DCC: variants seen among roughly 807,000 people sequenced by gnomAD.
The protein encoded by DCC is DCC netrin 1 receptor, also known as netrin receptor DCC.
DCC carries 58 observed loss-of-function variants against 172.5 expected under a neutral mutation model. The ratio of observed to expected loss-of-function variants is 0.34; its 90% CI spans 0.27 to 0.42. The LOEUF (loss-of-function observed/expected upper bound fraction) is 0.42, where lower values mean the gene tolerates loss of function less well. DCC is among the 10% of genes least tolerant of loss of function. The pLI is 1.00. For missense variants in DCC, 1,740 were observed against 1,791.0 expected (o/e 0.97, Z 0.51); for synonymous variants, 709 against 644.5 (o/e 1.10, Z -1.52).
At chr18:52,797,470 T>A (rs1054197074) in intron 2 of DCC, among the ~76,000 whole-genome samples, 3 of 152,246 alleles carry the variant, frequency 2.0e-5, no homozygotes, top group Admixed American at 6.5e-5. Context: ...GCTTTGATTT[T>A]GGATGGGTAT....
At chr18:53,421,639 G>A (rs1910648522) in intron 21 of DCC, among the ~76,000 whole-genome samples, 1 of 152,174 alleles carries the variant, frequency 6.6e-6, no homozygotes, top group African/African-American at 2.4e-5. Flanking sequence ...GCACTGGAAT[G>A]GAATTAGATA....
intron 5 of DCC, among the ~76,000 whole-genome samples, chr18:53,024,948 T>C (rs1220615385): frequency 2.6e-5 from 4 of 152,168 alleles, no homozygotes; most frequent in Non-Finnish European, 4.4e-5. Context: ...AACATTATCA[T>C]TGTAAATTTT....
intron 14 of DCC, among the ~76,000 whole-genome samples, chr18:53,327,168 C>G (rs138406156): frequency 2.6e-5 from 4 of 152,094 alleles, no homozygotes; most frequent in African/African-American, 9.7e-5. Context: ...TCTTGGATTG[C>G]CCTTTTAATT....
intron 2 of DCC, among the ~76,000 whole-genome samples, chr18:52,871,507 A>G (rs559952276): frequency 3.9e-5 from 6 of 152,176 alleles, no homozygotes; most frequent in African/African-American, 1.2e-4. Flanking sequence ...TTTGCTTCCC[A>G]GGCTGGAGCA....
chr18:52,944,445 C>A (rs150552399), intron 5 of DCC, among the ~76,000 whole-genome samples: 117 of 152,182 alleles, frequency 7.7e-4, no homozygotes, highest in African/African-American at 2.8e-3. Flanking sequence ...AAAATCTGAG[C>A]CTAAAGGCAC....
intron 12 of DCC, among the ~76,000 whole-genome samples, chr18:53,258,358 A>C (rs1421519079): frequency 6.6e-6 from 1 of 151,544 alleles, no homozygotes; most frequent in African/African-American, 2.4e-5. Context: ...TAGTGCTACA[A>C]ATTTCCCTCT....
Position 53,370,418 on chromosome 18 carries a change from TC to T in DCC, c.2360-15623del, listed in dbSNP as rs561125618. The stretch of plus-strand genomic sequence containing the variant: ...CTAGCTTTGGGTTTCATTGACATTC[TC>T]CATTTTCCTATTCTCTATTTATCTC... On this transcript the variant is annotated intron_variant, in intron 15 of 28. Coordinates refer to ENST00000442544, the MANE Select transcript of DCC (RefSeq NM_005215.4). 5.6e-3 allele frequency among the ~76,000 whole-genome samples: 848 copies of T among 151,906 alleles called. 6 individuals are homozygous for T. The highest frequency in any genetic ancestry group is 0.024 in the Admixed American group (371 of 15,226).
intron 9 of DCC, among the ~76,000 whole-genome samples, chr18:53,204,251 A>C (rs1355338450): frequency 2.0e-5 from 3 of 152,148 alleles, no homozygotes; most frequent in Admixed American, 1.3e-4. Context: ...CAAAATCTTA[A>C]GATACCTGGG....
chr18:53,205,453 T>C (rs2298606), intron 10 of DCC, 89 bp downstream of exon 10: 654,641 of 1,328,488 alleles, frequency 0.49, 170,278 homozygotes, highest in Non-Finnish European at 0.54. Context: ...AGGAAAAGAC[T>C]CGCAAACTCT....
chr18:52,878,845 A>C (rs1431604465), intron 2 of DCC, among the ~76,000 whole-genome samples: 1 of 152,230 alleles, frequency 6.6e-6, no homozygotes, highest in Non-Finnish European at 1.5e-5. Context: ...TGTTGGTCTC[A>C]AATATATTTG....
chr18:53,503,900 G>GCATTCTGATCTTTTCCA (rs1368462552), intron 27 of DCC, among the ~76,000 whole-genome samples: 4 of 151,898 alleles, frequency 2.6e-5, no homozygotes, highest in Non-Finnish European at 5.9e-5. Flanking sequence ...AAACTCCAGA[G>GCATTCTGATCTTTTCCA]CATTCTGATC....
intron 1 of DCC, among the ~76,000 whole-genome samples, chr18:52,421,193 C>A (rs905945316): frequency 6.6e-5 from 10 of 152,152 alleles, no homozygotes; most frequent in African/African-American, 2.2e-4. Context: ...AATTTAAATG[C>A]TAATGCAAAT....
chr18:53,242,501 A>G (rs1490399904), intron 12 of DCC, among the ~76,000 whole-genome samples: 1 of 152,198 alleles, frequency 6.6e-6, no homozygotes, highest in Non-Finnish European at 1.5e-5. Context: ...CTCAGTGACT[A>G]TATATTAGAT....
intron 2 of DCC, among the ~76,000 whole-genome samples, chr18:52,835,813 TA>T (rs1428326573): frequency 1.3e-5 from 2 of 152,204 alleles, no homozygotes; most frequent in Non-Finnish European, 2.9e-5. Flanking sequence ...ATTTTATTTT[TA>T]AAAAATCTTT....
At chr18:52,557,194 A>G (rs2144733206) in intron 1 of DCC, among the ~76,000 whole-genome samples, 1 of 152,356 alleles carries the variant, frequency 6.6e-6, no homozygotes, top group Admixed American at 6.5e-5. Flanking sequence ...GTATGAAAAC[A>G]GTTAACAAAG....
chr18:52,505,234 A>G (rs2031187520), intron 1 of DCC, among the ~76,000 whole-genome samples: 1 of 152,164 alleles, frequency 6.6e-6, no homozygotes, highest in African/African-American at 2.4e-5. Context: ...TTTCCACCTC[A>G]GTATTTTCAT....
At chr18:52,571,627 C>T (rs767118525) in intron 1 of DCC, among the ~76,000 whole-genome samples, 5 of 152,258 alleles carry the variant, frequency 3.3e-5, no homozygotes, top group African/African-American at 9.6e-5. Context: ...TTCCCATCAG[C>T]GGTGCACCCC....
chr18:52,352,777 C>G (rs1011273905), intron 1 of DCC, among the ~76,000 whole-genome samples: 1 of 152,092 alleles, frequency 6.6e-6, no homozygotes. Flanking sequence ...ATTCTAAAGT[C>G]TCTGATGGTG....
intron 5 of DCC, among the ~76,000 whole-genome samples, chr18:53,037,793 G>T (rs931201368): frequency 6.6e-6 from 1 of 151,700 alleles, no homozygotes; most frequent in Non-Finnish European, 1.5e-5. Context: ...CAGCTGTCAC[G>T]AGACTCACTT....
Sources: gnomAD v4.1 joint callset for allele counts (sites outside exome capture counted in the v4.1 genomes callset) on GRCh38, gnomAD v4.1.1 for gene constraint, MANE v1.5 for transcripts, NCBI Gene and HGNC (gene_info 2026-07-23, HGNC 2026-07-21) for gene names.